Variants in CTNNA2 observed in about 807,000 individuals in gnomAD.
CTNNA2 encodes catenin alpha 2, also known as catenin alpha-2.
In CTNNA2, 42 loss-of-function variants were observed where a neutral mutation model predicts 101.0. The observed-to-expected ratio is 0.42, with a 90% CI of 0.32 to 0.54. The LOEUF is 0.54. Ranked by LOEUF, CTNNA2 falls within the 20% of genes least tolerant of loss-of-function variation. The probability of loss-of-function intolerance (pLI) is 0.14; values close to 1 mark genes in which losing one functional copy is unlikely to be tolerated. For synonymous variants in CTNNA2, 450 were observed against 456.4 expected (o/e 0.99, Z 0.18); for missense variants, 871 against 1,223.1 (o/e 0.71, Z 4.29).
At chr2:79,315,151 G>GATT (rs564988143) in intron 3 of CTNNA2, among the ~76,000 whole-genome samples, 270 of 152,106 alleles carry the variant, frequency 1.8e-3, no homozygotes, top group African/African-American at 6.3e-3. Context: ...CTTCAATGGT[G>GATT]ATTATGATTT....
chr2:80,306,979 G>A (rs1170227849), intron 7 of CTNNA2, among the ~76,000 whole-genome samples: 1 of 151,472 alleles, frequency 6.6e-6, no homozygotes, highest in Non-Finnish European at 1.5e-5. Flanking sequence ...TTATATGTGA[G>A]TTTTCTTCTA....
At chr2:80,256,759 A>T (rs1672192942) in intron 7 of CTNNA2, among the ~76,000 whole-genome samples, 1 of 152,152 alleles carries the variant, frequency 6.6e-6, no homozygotes, top group Non-Finnish European at 1.5e-5. Context: ...AAACTTCAAA[A>T]TTTCGCTGAA....
At chr2:79,911,929 G>A (rs1027178224) in intron 7 of CTNNA2, among the ~76,000 whole-genome samples, 1 of 152,116 alleles carries the variant, frequency 6.6e-6, no homozygotes, top group Non-Finnish European at 1.5e-5. Context: ...TATTTATTTT[G>A]ATATAGCATG....
intron 4 of CTNNA2, among the ~76,000 whole-genome samples, chr2:79,469,782 A>C (rs904890423): frequency 6.6e-6 from 1 of 152,232 alleles, no homozygotes; most frequent in Non-Finnish European, 1.5e-5. Context: ...CAAAAACCAC[A>C]TGATTATCTC....
chr2:79,930,054 T>C (rs1054803886), intron 7 of CTNNA2, among the ~76,000 whole-genome samples: 5 of 152,026 alleles, frequency 3.3e-5, no homozygotes, highest in Non-Finnish European at 7.4e-5. Context: ...CTGGCCAACG[T>C]GGCAAAACCC....
At chr2:80,037,707 T>G (rs1005916450) in intron 7 of CTNNA2, among the ~76,000 whole-genome samples, 1 of 152,184 alleles carries the variant, frequency 6.6e-6, no homozygotes, top group Non-Finnish European at 1.5e-5. Context: ...ATAGCAATGG[T>G]TCAATAAATG....
intron 2 of CTNNA2, among the ~76,000 whole-genome samples, chr2:79,261,659 C>G (rs1256194650): frequency 6.6e-6 from 1 of 152,178 alleles, no homozygotes; most frequent in African/African-American, 2.4e-5. Flanking sequence ...GTGTGTCTTC[C>G]TATTCTTATA....
chr2:79,910,268 G>T (rs913348464), intron 7 of CTNNA2, among the ~76,000 whole-genome samples: 1 of 152,174 alleles, frequency 6.6e-6, no homozygotes, highest in African/African-American at 2.4e-5. Context: ...TTAAGGAAAA[G>T]TTCTAAATGT....
chr2:79,718,810 C>A (rs974204296), intron 2 of CTNNA2, among the ~76,000 whole-genome samples: 7 of 150,450 alleles, frequency 4.7e-5, no homozygotes, highest in African/African-American at 1.7e-4. Flanking sequence ...ATTTAAGGCA[C>A]CTTTTTCCCA....
chr2:80,228,324 A>G (rs887094288), intron 7 of CTNNA2, among the ~76,000 whole-genome samples: 2 of 152,160 alleles, frequency 1.3e-5, no homozygotes, highest in African/African-American at 4.8e-5. Flanking sequence ...CTTCATAGAT[A>G]GTGTCTTCTG....
At chr2:79,684,623 A>G (rs890824179) in intron 2 of CTNNA2, among the ~76,000 whole-genome samples, 42 of 152,302 alleles carry the variant, frequency 2.8e-4, no homozygotes, top group African/African-American at 8.9e-4. Flanking sequence ...AAGGATTCCA[A>G]TACTTTACTG....
chr2:80,534,947 T>G (rs1276958339), intron 9 of CTNNA2, among the ~76,000 whole-genome samples: 1 of 152,148 alleles, frequency 6.6e-6, no homozygotes, highest in Non-Finnish European at 1.5e-5. Flanking sequence ...TACCAAACAA[T>G]GAGGCAACAA....
chr2:79,767,432 G>T (rs1673243279), intron 3 of CTNNA2, among the ~76,000 whole-genome samples: 1 of 152,012 alleles, frequency 6.6e-6, no homozygotes, highest in South Asian at 2.1e-4. Flanking sequence ...TCTAGACATT[G>T]AAGAGTTAGT....
At chr2:80,097,167 G>C (rs1053143208) in intron 7 of CTNNA2, among the ~76,000 whole-genome samples, 1 of 152,094 alleles carries the variant, frequency 6.6e-6, no homozygotes, top group Admixed American at 6.5e-5. Context: ...TCCATGTTTA[G>C]TGCTTCCTTC....
chr2:80,146,888 G>A lies in CTNNA2; in HGVS notation c.1056+237091G>A, dbSNP rs1177879874. Among the ~76,000 whole-genome samples the A allele has an allele frequency of 2.0e-5, 3 of 148,936 alleles. No homozygotes were observed. In the East Asian group the frequency reaches 5.9e-4, roughly 29 times the overall value. ...TACAGGTTCCCACCAAAGTAACTGG[G>A]ATTACAGGTTTCCACCACCACGCCC... On this transcript the variant is annotated intron_variant, in intron 7 of 18. Transcript: ENST00000402739.
chr2:79,272,361 A>G (rs1310624222), intron 2 of CTNNA2, among the ~76,000 whole-genome samples: 2 of 151,928 alleles, frequency 1.3e-5, no homozygotes, highest in African/African-American at 2.4e-5. Context: ...AGAACAAAAC[A>G]CTCTTTATAT....
intron 7 of CTNNA2, among the ~76,000 whole-genome samples, chr2:80,218,286 G>A (rs1029268211): frequency 6.6e-6 from 1 of 152,216 alleles, no homozygotes; most frequent in Non-Finnish European, 1.5e-5. Flanking sequence ...CCATCTTATG[G>A]GAAGAGGCTG....
intron 9 of CTNNA2, among the ~76,000 whole-genome samples, chr2:80,503,630 A>G (rs1368656070): frequency 2.0e-5 from 3 of 152,118 alleles, no homozygotes; most frequent in Non-Finnish European, 4.4e-5. Flanking sequence ...TAAGTTTCTG[A>G]TGGGCCTTTA....
At chr2:79,913,230 A>G (rs1384391204) in intron 7 of CTNNA2, among the ~76,000 whole-genome samples, 2 of 152,198 alleles carry the variant, frequency 1.3e-5, no homozygotes, top group Admixed American at 6.5e-5. Context: ...TGGCCTAGGA[A>G]GGTGCGTTGA....
Sources: gnomAD v4.1 joint callset for allele counts (sites outside exome capture counted in the v4.1 genomes callset) on GRCh38, gnomAD v4.1.1 for gene constraint, MANE v1.5 for transcripts, NCBI Gene and HGNC (gene_info 2026-07-23, HGNC 2026-07-21) for gene names.